CNTNAP5: variants seen among roughly 807,000 people sequenced by gnomAD.
CNTNAP5 encodes the protein contactin-associated protein-like 5.
CNTNAP5 carries 72 observed loss-of-function variants against 150.2 expected under a neutral mutation model. That is an observed-to-expected ratio of 0.48 (90% CI 0.40 to 0.58). The LOEUF (loss-of-function observed/expected upper bound fraction) is 0.58. Ranked by LOEUF, CNTNAP5 falls within the 20% of genes least tolerant of loss-of-function variation. The probability of loss-of-function intolerance (pLI) is 0.00; values close to 1 mark genes in which losing one functional copy is unlikely to be tolerated. For synonymous variants in CNTNAP5, 672 were observed against 619.8 expected, an observed-to-expected ratio of 1.08 and a Z score of -1.25; for missense variants, 1,636 against 1,626.2, an observed-to-expected ratio of 1.01 and a Z score of -0.10.
intron 13 of CNTNAP5, among the ~76,000 whole-genome samples, chr2:124,676,256 C>T (rs2105063317): frequency 6.6e-6 from 1 of 152,294 alleles, no homozygotes; most frequent in Admixed American, 6.5e-5. Context: ...TCACATCCTG[C>T]TTCTGCAAGT....
At chr2:124,297,796 T>C (rs1403139191) in intron 3 of CNTNAP5, among the ~76,000 whole-genome samples, 2 of 140,054 alleles carry the variant, frequency 1.4e-5, no homozygotes, top group African/African-American at 5.3e-5. Context: ...AGCCAGGCAA[T>C]CCACATCCAA....
chr2:124,600,320 G>C (rs184160355), intron 11 of CNTNAP5, among the ~76,000 whole-genome samples: 1 of 152,080 alleles, frequency 6.6e-6, no homozygotes, highest in Non-Finnish European at 1.5e-5. Flanking sequence ...AAATTCACCT[G>C]GCTAGAAATT....
chr2:124,522,002 G>T (rs1694857004), intron 8 of CNTNAP5, among the ~76,000 whole-genome samples: 1 of 152,148 alleles, frequency 6.6e-6, no homozygotes, highest in African/African-American at 2.4e-5. Context: ...CAGATGTTCA[G>T]GATTGCAGTG....
At chr2:124,809,823 A>C (rs1044852162) in intron 19 of CNTNAP5, among the ~76,000 whole-genome samples, 40 of 152,180 alleles carry the variant, frequency 2.6e-4, no homozygotes, top group African/African-American at 9.2e-4. Flanking sequence ...GTTAGCAAAG[A>C]TATAATTGAA....
At chr2:124,503,598 T>C (rs567996325) in intron 7 of CNTNAP5, among the ~76,000 whole-genome samples, 25 of 152,352 alleles carry the variant, frequency 1.6e-4, no homozygotes, top group Admixed American at 1.0e-3. Context: ...ATATGGCCCA[T>C]GTCACTGCAC....
chr2:124,858,755 A>G (rs1026474641), intron 19 of CNTNAP5, among the ~76,000 whole-genome samples: 2 of 152,174 alleles, frequency 1.3e-5, no homozygotes, highest in African/African-American at 4.8e-5. Flanking sequence ...AAAACTTCAA[A>G]TAAACTATCT....
intron 22 of CNTNAP5, 25 bp downstream of exon 22, chr2:124,903,125 G>C: frequency 7.0e-7 from 1 of 1,423,544 alleles, no homozygotes; most frequent in Non-Finnish European, 9.5e-7. Flanking sequence ...ATGCACAAGG[G>C]AGCTTCTGTC....
chr2:124,363,597 G>C (rs1690279014), intron 3 of CNTNAP5, among the ~76,000 whole-genome samples: 1 of 152,112 alleles, frequency 6.6e-6, no homozygotes, highest in Non-Finnish European at 1.5e-5. Context: ...ATTTATGCAA[G>C]ATGAGTGAGT....
At chr2:124,031,136 T>TAC (rs1209346046) in intron 1 of CNTNAP5, among the ~76,000 whole-genome samples, 4 of 146,234 alleles carry the variant, frequency 2.7e-5, no homozygotes, top group Non-Finnish European at 4.6e-5. Context: ...CTCCCCGCTA[T>TAC]ACATACACAC....
At chr2:124,362,363 C>G (rs1269722255) in intron 3 of CNTNAP5, among the ~76,000 whole-genome samples, 1 of 152,212 alleles carries the variant, frequency 6.6e-6, no homozygotes, top group Non-Finnish European at 1.5e-5. Context: ...ATATCATTAA[C>G]AAGATAGTCC....
intron 1 of CNTNAP5, among the ~76,000 whole-genome samples, chr2:124,106,106 A>G (rs1683166595): frequency 6.6e-6 from 1 of 151,980 alleles, no homozygotes; most frequent in African/African-American, 2.4e-5. Context: ...ACAAGTTATC[A>G]TTGCAGGAAT....
At chr2:124,807,651 T>G (rs915843790) in intron 19 of CNTNAP5, among the ~76,000 whole-genome samples, 1 of 152,178 alleles carries the variant, frequency 6.6e-6, no homozygotes, top group Non-Finnish European at 1.5e-5. Context: ...ATATTTACTT[T>G]TTAACTTATA....
chr2:124,857,979 T>C (rs868231573), intron 19 of CNTNAP5, among the ~76,000 whole-genome samples: 1 of 152,304 alleles, frequency 6.6e-6, no homozygotes, highest in Middle Eastern at 3.4e-3. Context: ...GAGAAATTAT[T>C]TTTTAGATAT....
chr2:124,335,090 C>T (rs1689438833), intron 3 of CNTNAP5, among the ~76,000 whole-genome samples: 1 of 152,094 alleles, frequency 6.6e-6, no homozygotes, highest in Admixed American at 6.6e-5. Flanking sequence ...TCTGCTACCA[C>T]AGGTGGTTAA....
At chr2:124,599,863 T>C (rs979543844) in intron 11 of CNTNAP5, among the ~76,000 whole-genome samples, 2 of 149,476 alleles carry the variant, frequency 1.3e-5, no homozygotes, top group African/African-American at 5.1e-5. Flanking sequence ...ACTTTTCCTA[T>C]TTTTTATAGG....
At chr2:124,441,481 T>C (rs1692672579) in intron 5 of CNTNAP5, among the ~76,000 whole-genome samples, 1 of 152,132 alleles carries the variant, frequency 6.6e-6, no homozygotes, top group Non-Finnish European at 1.5e-5. Context: ...AGATTTTGTA[T>C]TTTTGTCTTC....
intron 14 of CNTNAP5, among the ~76,000 whole-genome samples, chr2:124,752,896 T>C (rs944393127): frequency 2.0e-5 from 3 of 152,126 alleles, no homozygotes; most frequent in African/African-American, 7.2e-5. Flanking sequence ...CGTCAAAGGC[T>C]GGTGGAGCAG....
rs545772617 is a variant in CNTNAP5, at chr2:124,046,227, T to G, written c.82+20495T>G. ...AGAGCCCCCCAAAAGGGAAAAAGTC[T>G]TCTAGAAGATAAAAGACAATGACAG... On this transcript the variant is annotated intron_variant, in intron 1 of 23. Transcript: ENST00000682447. Among the ~76,000 whole-genome samples, 18 of 152,116 alleles carry G rather than the reference T, an allele frequency of 1.2e-4. No individual in the cohort carries two copies. The East Asian group carries it at 3.5e-3, about 30-fold the overall frequency.
chr2:124,396,339 C>A (rs1458094645), intron 3 of CNTNAP5, among the ~76,000 whole-genome samples: 3 of 152,172 alleles, frequency 2.0e-5, no homozygotes, highest in Non-Finnish European at 4.4e-5. Context: ...TAATTCCCTG[C>A]ATTCGATATG....
Sources: gnomAD v4.1 joint callset for allele counts (sites outside exome capture counted in the v4.1 genomes callset) on GRCh38, gnomAD v4.1.1 for gene constraint, MANE v1.5 for transcripts, NCBI Gene and HGNC (gene_info 2026-07-23, HGNC 2026-07-21) for gene names.